The following AGBL4 variants were observed in gnomAD, a reference collection of about 807,000 sequenced individuals.
AGBL4 encodes the protein cytosolic carboxypeptidase 6.
AGBL4 carries 58 observed loss-of-function variants against 66.4 expected under a neutral mutation model. That is an observed-to-expected ratio of 0.87 (90% CI 0.71 to 1.09). AGBL4 has a LOEUF of 1.09. AGBL4 is among the 50% of genes least tolerant of loss of function. The pLI is 0.00. For synonymous variants in AGBL4, 234 were observed against 222.9 expected, an observed-to-expected ratio of 1.05 and a Z score of -0.44; for missense variants, 579 against 631.0, an observed-to-expected ratio of 0.92 and a Z score of 0.88.
At chr1:48,936,769 GA>G (rs1278655594) in intron 5 of AGBL4, among the ~76,000 whole-genome samples, 1 of 152,108 alleles carries the variant, frequency 6.6e-6, no homozygotes, top group African/African-American at 2.4e-5. Context: ...CATATTATCA[GA>G]AAACCATGCT....
intron 3 of AGBL4, among the ~76,000 whole-genome samples, chr1:49,406,722 T>C (rs1018893169): frequency 1.3e-5 from 2 of 152,130 alleles, no homozygotes; most frequent in Non-Finnish European, 2.9e-5. Context: ...ATTATTTTTC[T>C]TAATCTGGCA....
chr1:49,497,193 T>C, intron 3 of AGBL4, among the ~76,000 whole-genome samples: 1 of 152,002 alleles, frequency 6.6e-6, no homozygotes, highest in Non-Finnish European at 1.5e-5. Context: ...TGTCTAATAG[T>C]ACCTTTGCCC....
At position 48,736,109 on chromosome 1, in the gene AGBL4, C is replaced by T; in HGVS notation, c.635-72868G>A. ...GGCATTTGGGTTATCCGCTTGGTGT[C>T]CCCGGGCTCAGCCCAGGGTCTGGCA... On this transcript the variant is annotated intron_variant, in intron 6 of 13. Coordinates refer to ENST00000371839, the MANE Select transcript of AGBL4 (RefSeq NM_032785.4). This position sits in a 1 kb window ranked among gnomAD's most constrained non-coding sequence, Gnocchi z 4.0. 9.7e-7 allele frequency: 1 copy of T among 1,028,708 alleles called. No homozygotes were observed. The highest frequency in any genetic ancestry group is 1.5e-6 in the Non-Finnish European group (1 of 684,828). 63.7% of individuals were successfully genotyped at this position (1,028,708 alleles called of 1,614,324 possible).
At chr1:49,701,032 C>A (rs1647081251) in intron 2 of AGBL4, among the ~76,000 whole-genome samples, 1 of 151,708 alleles carries the variant, frequency 6.6e-6, no homozygotes, top group Non-Finnish European at 1.5e-5. Context: ...CAAAGCTCAC[C>A]AAGAAGAAAT....
chr1:49,800,700 A>C lies in AGBL4; in HGVS notation c.157+50696T>G, dbSNP rs1026774937. Among the ~76,000 whole-genome samples, 3 of 105,160 alleles carry C rather than the reference A, an allele frequency of 2.9e-5. No individual in the cohort carries two copies. In the Admixed American group the frequency reaches 3.5e-4, roughly 12 times the overall value. The allele number at this position is 105,160 out of a possible 152,430, so 69.0% of individuals were successfully genotyped here. A position where few individuals can be genotyped will look rare whatever the true frequency, so the allele number is the denominator to read the frequency against. On this transcript the variant is annotated intron_variant, in intron 2 of 13. Transcript: ENST00000371839. ...TCCCTATAAAGGACATGAACTCATC[A>C]TTTTTTATGGCTGCATAGTATTCCA...
At chr1:49,111,402 G>A (rs952827501) in intron 4 of AGBL4, among the ~76,000 whole-genome samples, 10 of 152,168 alleles carry the variant, frequency 6.6e-5, no homozygotes, top group South Asian at 2.1e-4. Context: ...ATGAGCCACC[G>A]CACCTGGCCC....
intron 3 of AGBL4, among the ~76,000 whole-genome samples, chr1:49,535,400 T>C (rs1370731462): frequency 6.7e-6 from 1 of 148,244 alleles, no homozygotes; most frequent in Non-Finnish European, 1.5e-5. Context: ...AAGATAAAAA[T>C]AAAATGTAAA....
chr1:49,378,043 A>C (rs1467769670), intron 3 of AGBL4, among the ~76,000 whole-genome samples: 2 of 143,784 alleles, frequency 1.4e-5, no homozygotes, highest in African/African-American at 5.9e-5. Context: ...CACAAACTTC[A>C]TGCCATGTCT....
chr1:48,922,950 T>G (rs2032022), intron 5 of AGBL4, among the ~76,000 whole-genome samples: 89,778 of 150,742 alleles, frequency 0.6, 27,179 homozygotes, highest in Non-Finnish European at 0.65. Flanking sequence ...CATATGCAAA[T>G]AAATTAGGAA....
At chr1:49,680,539 G>A (rs780676860) in intron 3 of AGBL4, among the ~76,000 whole-genome samples, 2 of 152,010 alleles carry the variant, frequency 1.3e-5, no homozygotes, top group African/African-American at 4.8e-5. Flanking sequence ...ACTTGAAAAT[G>A]TTACAGCACT....
intron 6 of AGBL4, among the ~76,000 whole-genome samples, chr1:48,771,987 AGCT>A (rs2148695896): frequency 6.6e-6 from 1 of 152,352 alleles, no homozygotes; most frequent in African/African-American, 2.4e-5. Flanking sequence ...CTGAAAAACA[AGCT>A]GCTGCTGCAG....
chr1:48,747,687 G>A (rs937791148), intron 6 of AGBL4, among the ~76,000 whole-genome samples: 4 of 152,118 alleles, frequency 2.6e-5, no homozygotes, highest in East Asian at 1.9e-4. Flanking sequence ...ACACAGTTAC[G>A]GTCTTTGTAA....
At chr1:49,570,126 T>C (rs1028658973) in intron 3 of AGBL4, among the ~76,000 whole-genome samples, 10 of 152,110 alleles carry the variant, frequency 6.6e-5, no homozygotes, top group African/African-American at 2.4e-4. Flanking sequence ...ATGGTAGTTC[T>C]ATTTTTAGTT....
intron 3 of AGBL4, among the ~76,000 whole-genome samples, chr1:49,391,565 T>A (rs1456762756): frequency 2.6e-4 from 2 of 7,720 alleles, no homozygotes; most frequent in Non-Finnish European, 3.0e-3. Context: ...TTTTTTTTGT[T>A]TTTTTTTTTT....
chr1:49,639,426 C>T (rs1298883572), intron 3 of AGBL4, among the ~76,000 whole-genome samples: 1 of 152,192 alleles, frequency 6.6e-6, no homozygotes, highest in Non-Finnish European at 1.5e-5. Context: ...TTCTCTCACA[C>T]TTTTATGTCT....
intron 3 of AGBL4, among the ~76,000 whole-genome samples, chr1:49,619,117 A>G (rs1168046819): frequency 6.6e-6 from 1 of 152,210 alleles, no homozygotes; most frequent in African/African-American, 2.4e-5. Context: ...AGTTCTGGTC[A>G]GGGCAATCAG....
intron 4 of AGBL4, among the ~76,000 whole-genome samples, chr1:49,148,841 G>T (rs1646270768): frequency 6.6e-6 from 1 of 152,208 alleles, no homozygotes; most frequent in Non-Finnish European, 1.5e-5. Flanking sequence ...ATGGTTATGG[G>T]CTTGTCCCAT....
intron 3 of AGBL4, among the ~76,000 whole-genome samples, chr1:49,290,070 T>A (rs1382140414): frequency 6.6e-6 from 1 of 152,140 alleles, no homozygotes; most frequent in Admixed American, 6.5e-5. Flanking sequence ...TGCCCAAAAA[T>A]TTTCAAAATT....
At chr1:48,811,669 T>C (rs761459273) in intron 6 of AGBL4, among the ~76,000 whole-genome samples, 1 of 148,330 alleles carries the variant, frequency 6.7e-6, no homozygotes, top group Non-Finnish European at 1.5e-5. Context: ...TTCCTAGTTA[T>C]GTGTGTCTGT....
Sources: gnomAD v4.1 joint callset for allele counts (sites outside exome capture counted in the v4.1 genomes callset) on GRCh38, gnomAD v4.1.1 for gene constraint, Gnocchi (gnomAD v3.1) non-coding constraint, MANE v1.5 for transcripts, NCBI Gene and HGNC (gene_info 2026-07-23, HGNC 2026-07-21) for gene names.